Variants in HCN1 observed in about 807,000 individuals in gnomAD.
HCN1 encodes potassium/sodium hyperpolarization-activated cyclic nucleotide-gated channel 1.
A neutral mutation model predicts 78.9 loss-of-function variants in HCN1; 13 were observed. The observed-to-expected ratio is 0.16, with a 90% CI of 0.11 to 0.26. The LOEUF is 0.26. Among genes scored for constraint, HCN1 ranks in the 10% least tolerant of loss-of-function variants. The pLI, the probability that HCN1 is intolerant of heterozygous loss-of-function variation, is 1.00. For missense variants in HCN1, 810 were observed against 1,154.3 expected, an observed-to-expected ratio of 0.70 and a Z score of 4.32; for synonymous variants, 552 against 455.5, an observed-to-expected ratio of 1.21 and a Z score of -2.70.
chr5:45,515,720 C>G (rs1188737374), intron 2 of HCN1, among the ~76,000 whole-genome samples: 6 of 151,948 alleles, frequency 3.9e-5, no homozygotes, highest in Non-Finnish European at 8.8e-5. Context: ...CCTGTCCATC[C>G]AGCTACTTTA....
chr5:45,577,682 A>G (rs1007532194), intron 2 of HCN1, among the ~76,000 whole-genome samples: 2 of 152,184 alleles, frequency 1.3e-5, no homozygotes, highest in East Asian at 3.9e-4. Context: ...ACAACTATAT[A>G]AAGAAATATA....
intron 6 of HCN1, among the ~76,000 whole-genome samples, chr5:45,292,487 G>A (rs1344821232): frequency 6.6e-6 from 1 of 151,708 alleles, no homozygotes; most frequent in African/African-American, 2.4e-5. Context: ...TTAGATTCTA[G>A]GACTATATTA....
chr5:45,491,405 A>C (rs1050995241), intron 2 of HCN1, among the ~76,000 whole-genome samples: 5 of 152,158 alleles, frequency 3.3e-5, no homozygotes. Flanking sequence ...TTATGATATC[A>C]GTTGAAACAT....
intron 6 of HCN1, among the ~76,000 whole-genome samples, chr5:45,295,459 ACGTAAGACCT>A (rs1278115334): frequency 8.5e-5 from 13 of 152,100 alleles, no homozygotes; most frequent in African/African-American, 3.1e-4. Context: ...CTACAACACT[ACGTAAGACCT>A]CTGCTAAGAA....
At chr5:45,512,432 G>T (rs1742433438) in intron 2 of HCN1, among the ~76,000 whole-genome samples, 1 of 152,028 alleles carries the variant, frequency 6.6e-6, no homozygotes, top group African/African-American at 2.4e-5. Flanking sequence ...ATATTAGAAA[G>T]CTGGCCCCAT....
chr5:45,619,615 T>A (rs550773923), intron 2 of HCN1, among the ~76,000 whole-genome samples: 1 of 151,848 alleles, frequency 6.6e-6, no homozygotes, highest in Admixed American at 6.6e-5. Context: ...GCAGAATAAA[T>A]GAGGGAGATA....
At chr5:45,693,255 C>CA (rs970841858) in intron 1 of HCN1, among the ~76,000 whole-genome samples, 2 of 151,918 alleles carry the variant, frequency 1.3e-5, no homozygotes, top group Non-Finnish European at 2.9e-5. Flanking sequence ...TGAGATCATA[C>CA]AAAAAAATGA....
chr5:45,637,935 T>C (rs982147938), intron 2 of HCN1, among the ~76,000 whole-genome samples: 12 of 152,160 alleles, frequency 7.9e-5, no homozygotes, highest in Admixed American at 7.2e-4. Flanking sequence ...TCTTCAAAAC[T>C]ACCACTTTTG....
chr5:45,681,416 T>A (rs1739700275), intron 1 of HCN1, among the ~76,000 whole-genome samples: 1 of 152,138 alleles, frequency 6.6e-6, no homozygotes, highest in Non-Finnish European at 1.5e-5. Context: ...TTTTTGCTTT[T>A]GAAAATCATG....
At chr5:45,579,363 C>CATAA (rs1483736814) in intron 2 of HCN1, among the ~76,000 whole-genome samples, 1 of 151,976 alleles carries the variant, frequency 6.6e-6, no homozygotes, top group Non-Finnish European at 1.5e-5. Context: ...TAAACTGCCT[C>CATAA]ATAAATTGAA....
chr5:45,434,434 G>A (rs528409882), intron 3 of HCN1, among the ~76,000 whole-genome samples: 1 of 152,156 alleles, frequency 6.6e-6, no homozygotes, highest in Non-Finnish European at 1.5e-5. Context: ...GTTAGACAAA[G>A]CTTATTCAGT....
At chr5:45,608,569 A>T (rs1327289126) in intron 2 of HCN1, among the ~76,000 whole-genome samples, 1 of 151,994 alleles carries the variant, frequency 6.6e-6, no homozygotes, top group Non-Finnish European at 1.5e-5. Flanking sequence ...TACAAAGATC[A>T]GTGGAAGAAA....
At chr5:45,670,477 C>A (rs1271556035) in intron 1 of HCN1, among the ~76,000 whole-genome samples, 1 of 151,660 alleles carries the variant, frequency 6.6e-6, no homozygotes, top group Non-Finnish European at 1.5e-5. Context: ...GGGATGTAGG[C>A]ATTTTAGTTC....
At chr5:45,645,021 T>A in intron 2 of HCN1, 164 bp downstream of exon 2, 1 of 581,674 alleles carries the variant, frequency 1.7e-6, no homozygotes, top group East Asian at 2.8e-5. Context: ...TCATATATTT[T>A]AGGGATACAA....
intron 2 of HCN1, among the ~76,000 whole-genome samples, chr5:45,467,985 A>C (rs1297755430): frequency 1.3e-5 from 2 of 152,090 alleles, no homozygotes; most frequent in Non-Finnish European, 2.9e-5. Context: ...ACAGGGTAAA[A>C]CAAATTTCTT....
At chr5:45,356,510 A>G (rs1747009920) in intron 4 of HCN1, among the ~76,000 whole-genome samples, 2 of 152,010 alleles carry the variant, frequency 1.3e-5, no homozygotes, top group Admixed American at 6.6e-5. Flanking sequence ...TTTAATCCAT[A>G]TCACTAAGCA....
intron 6 of HCN1, among the ~76,000 whole-genome samples, chr5:45,293,163 GA>G (rs1205741818): frequency 6.6e-6 from 1 of 151,934 alleles, no homozygotes; most frequent in Non-Finnish European, 1.5e-5. Context: ...GGTCTTTGAG[GA>G]ATTACAACAC....
intron 5 of HCN1, among the ~76,000 whole-genome samples, chr5:45,319,282 G>T (rs1746072458): frequency 6.6e-6 from 1 of 151,772 alleles, no homozygotes; most frequent in African/African-American, 2.4e-5. Flanking sequence ...AGTTTTCCTG[G>T]ATGCTTCTAT....
intron 2 of HCN1, among the ~76,000 whole-genome samples, chr5:45,560,795 A>G (rs1743582374): frequency 6.6e-6 from 1 of 152,054 alleles, no homozygotes; most frequent in Admixed American, 6.6e-5. Context: ...GACTTAACAC[A>G]GTCATATTGC....
Sources: gnomAD v4.1 joint callset for allele counts (sites outside exome capture counted in the v4.1 genomes callset) on GRCh38, gnomAD v4.1.1 for gene constraint, MANE v1.5 for transcripts, NCBI Gene and HGNC (gene_info 2026-07-23, HGNC 2026-07-21) for gene names.